The following GRIK1 variants were observed in gnomAD, a reference collection of about 807,000 sequenced individuals.
GRIK1 encodes glutamate receptor ionotropic, kainate 1.
In GRIK1, 69 loss-of-function variants were observed where a neutral mutation model predicts 105.7. The ratio of observed to expected loss-of-function variants is 0.65; its 90% confidence interval spans 0.54 to 0.80. The LOEUF (loss-of-function observed/expected upper bound fraction) is 0.80, where lower values mean the gene tolerates loss of function less well. GRIK1 is among the 30% of genes least tolerant of loss of function. GRIK1 has a pLI of 0.00. For synonymous variants in GRIK1, 438 were observed against 431.3 expected (o/e 1.02, Z -0.19); for missense variants, 1,109 against 1,167.3 (o/e 0.95, Z 0.73).
intron 1 of GRIK1, among the ~76,000 whole-genome samples, chr21:29,788,570 G>T (rs1017193215): frequency 2.6e-5 from 4 of 152,220 alleles, no homozygotes; most frequent in African/African-American, 9.7e-5. Flanking sequence ...ATGGACCAAG[G>T]AGAGTGGGGA....
chr21:29,651,210 G>T lies in GRIK1; in HGVS notation c.862C>A (p.Pro288Thr), dbSNP rs767098041. Residue 288 changes from proline to threonine, a missense_variant, in exon 6 of 18, where the codon CCT (proline) becomes ACT (threonine). Coordinates refer to ENST00000327783, the MANE Select transcript of GRIK1 (RefSeq NM_001330994.2). Reference protein sequence around the residue: ...TGFRLLNIDNPHVSSIIEKWS... With the variant: ...TGFRLLNIDNTHVSSIIEKWS... ...TTCTCAATGATGGATGACACGTGAG[G>T]GTTGTCAATGTTAAGCAGCCGAAAC... 21 of 1,612,978 alleles carry T rather than the reference G, an allele frequency of 1.3e-5. No homozygotes were observed. Among genetic ancestry groups the T allele is most frequent in the Admixed American group, 3.3e-5 (2 of 60,018 alleles).
intron 1 of GRIK1, among the ~76,000 whole-genome samples, chr21:29,787,661 C>T (rs182753825): frequency 8.5e-5 from 13 of 152,280 alleles, no homozygotes; most frequent in South Asian, 6.2e-4. Context: ...GATTTTCCAA[C>T]GAACAGTATT....
chr21:29,857,605 C>A (rs1161033967), intron 1 of GRIK1, among the ~76,000 whole-genome samples: 1 of 151,692 alleles, frequency 6.6e-6, no homozygotes, highest in Non-Finnish European at 1.5e-5. Flanking sequence ...CAGAAGACTT[C>A]TACCCAACAA....
chr21:29,583,041 A>C (rs1309673970), intron 12 of GRIK1, among the ~76,000 whole-genome samples: 3 of 152,124 alleles, frequency 2.0e-5, no homozygotes, highest in Non-Finnish European at 4.4e-5. Flanking sequence ...CACCTTCCGG[A>C]AAGTGTTCAG....
intron 3 of GRIK1, among the ~76,000 whole-genome samples, chr21:29,675,297 A>G (rs960516683): frequency 2.6e-5 from 4 of 152,186 alleles, no homozygotes; most frequent in African/African-American, 9.7e-5. Context: ...AGATGGGGAA[A>G]AAATAGAGAC....
chr21:29,608,236 G>A (rs2061660860), intron 7 of GRIK1, among the ~76,000 whole-genome samples: 1 of 152,114 alleles, frequency 6.6e-6, no homozygotes, highest in South Asian at 2.1e-4. Context: ...GTTGTTTTAT[G>A]CAAGCTCATG....
At chr21:29,586,998 AT>A (rs1224615972) in intron 12 of GRIK1, among the ~76,000 whole-genome samples, 3 of 152,128 alleles carry the variant, frequency 2.0e-5, no homozygotes, top group African/African-American at 7.2e-5. Context: ...GCTTATCCAA[AT>A]ATTCTAGGGG....
intron 7 of GRIK1, among the ~76,000 whole-genome samples, chr21:29,605,537 G>T (rs760512408): frequency 6.6e-6 from 1 of 152,126 alleles, no homozygotes; most frequent in African/African-American, 2.4e-5. Flanking sequence ...AAGTGTGCAT[G>T]TATCTTTATA....
At chr21:29,598,727 T>G in intron 8 of GRIK1, 103 bp downstream of exon 8, 1 of 572,654 alleles carries the variant, frequency 1.7e-6, no homozygotes, top group Non-Finnish European at 3.1e-6. Flanking sequence ...AGAACATGCT[T>G]AGAGAATCAC....
In GRIK1 at chr21:29,643,135, A is replaced by G. The variant is rs1249591763; in HGVS notation, c.955-166T>C. Among the ~76,000 whole-genome samples, 3 of 152,174 alleles carry G rather than the reference A, an allele frequency of 2.0e-5. No individual in the cohort carries two copies. In the East Asian group the frequency reaches 5.8e-4, roughly 29 times the overall value. ...TCTCCAATAGCTATTTTTCTCCAAA[A>G]TAATACCTCACACTTTGGAGTAAAT... is the stretch of plus-strand genomic sequence containing the variant. On this transcript the variant is annotated intron_variant, in intron 6 of 17. Transcript: ENST00000327783.
At chr21:29,560,361 C>CTTTTTT (rs1321997278) in intron 15 of GRIK1, among the ~76,000 whole-genome samples, 6 of 35,212 alleles carry the variant, frequency 1.7e-4, no homozygotes, top group African/African-American at 1.2e-4. Context: ...CTTTCTTTTT[C>CTTTTTT]TTTCTTCCTT....
At chr21:29,804,705 C>T (rs560508585) in intron 1 of GRIK1, among the ~76,000 whole-genome samples, 26 of 152,192 alleles carry the variant, frequency 1.7e-4, no homozygotes, top group African/African-American at 5.3e-4. Flanking sequence ...AAAATATGAA[C>T]GGCTAATGTT....
intron 9 of GRIK1, among the ~76,000 whole-genome samples, chr21:29,593,774 C>A (rs952713133): frequency 2.0e-5 from 3 of 152,076 alleles, no homozygotes; most frequent in African/African-American, 7.2e-5. Context: ...GAGGAACTAC[C>A]GTAATATTTG....
intron 16 of GRIK1, among the ~76,000 whole-genome samples, chr21:29,549,189 A>G (rs1193580130): frequency 6.6e-6 from 1 of 152,248 alleles, no homozygotes; most frequent in African/African-American, 2.4e-5. Flanking sequence ...TTTTCAAAGT[A>G]TAATCCACAG....
chr21:29,763,125 G>C (rs1357980199), intron 1 of GRIK1, among the ~76,000 whole-genome samples: 1 of 152,158 alleles, frequency 6.6e-6, no homozygotes, highest in Admixed American at 6.5e-5. Context: ...TGTTGAGGGA[G>C]GGATCTGGTG....
Position 29,872,263 on chromosome 21 carries a change from G to T in GRIK1, c.118+67120C>A, listed in dbSNP as rs192240432. On this transcript the variant is annotated intron_variant, in intron 1 of 17. Transcript: ENST00000327783. Reference sequence around the variant, plus strand: ...GGCTGGAGTGCAGTGGTGCGATCTTGGCTCACTGCAAGCTCCGCTTCCTGG... The same window carrying T: ...GGCTGGAGTGCAGTGGTGCGATCTTTGCTCACTGCAAGCTCCGCTTCCTGG... 6.0e-3 allele frequency among the ~76,000 whole-genome samples: 877 copies of T among 147,014 alleles called. 11 individuals are homozygous for T. Among genetic ancestry groups the T allele is most frequent in the African/African-American group, 0.021 (830 of 39,396 alleles).
At position 29,537,248 on chromosome 21, in the gene GRIK1, T is replaced by C; in HGVS notation, c.2832A>G (p.Arg944=). 3 of 1,607,706 alleles carry C rather than the reference T, an allele frequency of 1.9e-6. No homozygotes were observed. Among genetic ancestry groups the C allele is most frequent in the Non-Finnish European group, 2.5e-6 (3 of 1,177,732 alleles). ...ILTCHQRRTQ[R]KETVA ...CCTTGGATCACGCCACAGTCTCTTT[T>C]CTCTGAGTTCGTCTCTGATGACAAG... The change falls in exon 18 of 18, where the codon AGA becomes AGG. Residue 944 remains arginine, a synonymous_variant. Transcript: ENST00000327783.
chr21:29,662,246 A>T (rs2146603677), intron 4 of GRIK1, among the ~76,000 whole-genome samples: 1 of 152,380 alleles, frequency 6.6e-6, no homozygotes, highest in Admixed American at 6.5e-5. Flanking sequence ...GGTGCACAAC[A>T]GATGAGATTA....
chr21:29,808,319 T>A (rs1004352166), intron 1 of GRIK1, among the ~76,000 whole-genome samples: 1 of 152,096 alleles, frequency 6.6e-6, no homozygotes, highest in African/African-American at 2.4e-5. Flanking sequence ...CAACACCGAA[T>A]AGCTGGAAAT....
Sources: gnomAD v4.1 joint callset for allele counts (sites outside exome capture counted in the v4.1 genomes callset) on GRCh38, gnomAD v4.1.1 for gene constraint, MANE v1.5 for transcripts, NCBI Gene and HGNC (gene_info 2026-07-23, HGNC 2026-07-21) for gene names.